The following MAF variants were observed in gnomAD, a reference collection of about 807,000 sequenced individuals.
MAF encodes the protein MAF bZIP transcription factor.
MAF carries 10 observed loss-of-function variants against 22.0 expected under a neutral mutation model. The ratio of observed to expected loss-of-function variants is 0.45; its 90% confidence interval spans 0.28 to 0.77. The LOEUF (loss-of-function observed/expected upper bound fraction) is 0.77. Ranked by LOEUF, MAF falls within the 30% of genes least tolerant of loss-of-function variation. MAF has a pLI of 0.12. For synonymous variants in MAF, 337 were observed against 255.8 expected, an observed-to-expected ratio of 1.32 and a Z score of -3.03; for missense variants, 544 against 548.4, an observed-to-expected ratio of 0.99 and a Z score of 0.08.
chr16:79,589,735 G>C (rs1002410785), downstream of MAF, among the ~76,000 whole-genome samples: 3 of 152,194 alleles, frequency 2.0e-5, no homozygotes, highest in Non-Finnish European at 4.4e-5. Flanking sequence ...GCTCGCTCGC[G>C]CTAGGGCAGT....
chr16:79,209,212 T>G, the MAF span, among the ~76,000 whole-genome samples: 1 of 152,196 alleles, frequency 6.6e-6, no homozygotes, highest in African/African-American at 2.4e-5. Flanking sequence ...TGAAGCCAGT[T>G]GTAATTGCCT....
At chr16:79,439,788 G>A in the MAF span, among the ~76,000 whole-genome samples, 2 of 152,242 alleles carry the variant, frequency 1.3e-5, no homozygotes, top group African/African-American at 4.8e-5. Context: ...CATGGATTCT[G>A]CATAGGAGAT....
chr16:79,519,176 A>G, the MAF span, among the ~76,000 whole-genome samples: 1 of 152,152 alleles, frequency 6.6e-6, no homozygotes, highest in African/African-American at 2.4e-5. Flanking sequence ...ATGGAGAACC[A>G]CAGAGGTTCA....
chr16:79,296,797 G>T, the MAF span, among the ~76,000 whole-genome samples: 2 of 152,058 alleles, frequency 1.3e-5, no homozygotes, highest in African/African-American at 4.8e-5. Context: ...TTCTCTTCCA[G>T]ACCACCTAGC....
the MAF span, among the ~76,000 whole-genome samples, chr16:79,449,294 G>A: frequency 6.6e-6 from 1 of 152,142 alleles, no homozygotes; most frequent in African/African-American, 2.4e-5. Context: ...ACAGGCCATG[G>A]GCCACTGGTA....
chr16:79,431,434 G>C, the MAF span, among the ~76,000 whole-genome samples: 2 of 152,316 alleles, frequency 1.3e-5, no homozygotes, highest in South Asian at 2.1e-4. Context: ...TAGTGGGCTT[G>C]AAATAGGTCT....
At chr16:79,436,681 A>G in the MAF span, among the ~76,000 whole-genome samples, 3 of 152,330 alleles carry the variant, frequency 2.0e-5, no homozygotes, top group Admixed American at 6.5e-5. Context: ...TTTAAAAGGG[A>G]GACCCTTGGG....
At chr16:79,270,773 G>A in the MAF span, among the ~76,000 whole-genome samples, 2 of 152,172 alleles carry the variant, frequency 1.3e-5, no homozygotes, top group Admixed American at 6.5e-5. Flanking sequence ...GTAATTCACT[G>A]AGTGCGTCTA....
chr16:79,598,874 C>G lies in MAF; in HGVS notation c.1029G>C (p.Ala343=), dbSNP rs771213005. The G allele has an allele frequency of 1.2e-6, 2 of 1,613,824 alleles. No homozygotes were observed. The highest frequency in any genetic ancestry group is 1.7e-6 in the Non-Finnish European group (2 of 1,179,988). The change falls in exon 1 of 2, where the codon GCG becomes GCC. Residue 343 remains alanine (A), a synonymous_variant. Coordinates refer to ENST00000326043, the MANE Select transcript of MAF (RefSeq NM_005360.5). The part of the protein sequence containing the change: ...EISRLVRERD[A]YKEKYEKLVS... ...CCAACTTCTCGTATTTCTCCTTGTACGCGTCCCTCTCGCGCACCAGCCTGG... is the reference window on the plus strand; with the variant it reads ...CCAACTTCTCGTATTTCTCCTTGTAGGCGTCCCTCTCGCGCACCAGCCTGG...
At chr16:79,393,494 C>T in the MAF span, among the ~76,000 whole-genome samples, 3 of 152,238 alleles carry the variant, frequency 2.0e-5, no homozygotes, top group African/African-American at 4.8e-5. Context: ...CAGAAGACCA[C>T]GGAGCTTTGT....
chr16:79,292,770 C>A, the MAF span, among the ~76,000 whole-genome samples: 4 of 152,172 alleles, frequency 2.6e-5, no homozygotes, highest in South Asian at 2.1e-4. Flanking sequence ...CCATCCAAAA[C>A]CCACCAAAAC....
the MAF span, among the ~76,000 whole-genome samples, chr16:79,479,762 T>G: frequency 6.6e-6 from 1 of 152,240 alleles, no homozygotes. Flanking sequence ...TCTGTGCTGG[T>G]ACTCTATATC....
the MAF span, among the ~76,000 whole-genome samples, chr16:79,364,895 A>G: frequency 6.6e-6 from 1 of 152,190 alleles, no homozygotes; most frequent in East Asian, 1.9e-4. Context: ...TTAAAATTTT[A>G]CTGAGTTTAT....
the MAF span, among the ~76,000 whole-genome samples, chr16:79,572,358 C>T: frequency 1.3e-5 from 2 of 152,096 alleles, no homozygotes; most frequent in Non-Finnish European, 1.5e-5. Flanking sequence ...TTGAAAAATG[C>T]CCCTCCCTTT....
intron 1 of MAF, chr16:79,598,028 T>C: frequency 9.7e-7 from 1 of 1,033,180 alleles, no homozygotes; most frequent in Non-Finnish European, 1.2e-6. Flanking sequence ...GATTTTTTTC[T>C]CTATTTTAGC....
At chr16:79,502,714 T>TATATATATATATAA in the MAF span, among the ~76,000 whole-genome samples, 1 of 13,008 alleles carries the variant, frequency 7.7e-5, no homozygotes, top group South Asian at 3.2e-3. Context: ...TATAAATATA[T>TATATATATATATAA]ATATATATAT....
chr16:79,402,568 G>T, the MAF span, among the ~76,000 whole-genome samples: 1 of 152,236 alleles, frequency 6.6e-6, no homozygotes, highest in East Asian at 1.9e-4. Flanking sequence ...CCTACCTCCA[G>T]GAGCAGGGCT....
the MAF span, among the ~76,000 whole-genome samples, chr16:79,287,999 T>G: frequency 6.6e-6 from 1 of 152,192 alleles, no homozygotes; most frequent in African/African-American, 2.4e-5. Context: ...CCAGCACCCT[T>G]TATTTAACAA....
the MAF span, among the ~76,000 whole-genome samples, chr16:79,540,068 G>A: frequency 1.3e-5 from 2 of 152,122 alleles, no homozygotes; most frequent in African/African-American, 4.8e-5. Context: ...TCCCTGCTAA[G>A]GGGAAGAATT....
Sources: gnomAD v4.1 joint callset for allele counts (sites outside exome capture counted in the v4.1 genomes callset) on GRCh38, gnomAD v4.1.1 for gene constraint, MANE v1.5 for transcripts, NCBI Gene and HGNC (gene_info 2026-07-23, HGNC 2026-07-21) for gene names.